NBAS: variants seen among roughly 807,000 people sequenced by gnomAD.
The protein encoded by NBAS is NAG/BC035112 fusion.
Under a neutral mutation model 302.5 loss-of-function variants are expected in NBAS, and 219 were observed. The ratio of observed to expected loss-of-function variants is 0.72; its 90% CI spans 0.65 to 0.81. The LOEUF (loss-of-function observed/expected upper bound fraction) is 0.81. Among genes scored for constraint, NBAS ranks in the 30% least tolerant of loss-of-function variants. The pLI is 0.00. For missense variants in NBAS, 2,932 were observed against 2,841.6 expected (o/e 1.03, Z -0.72); for synonymous variants, 1,118 against 1,021.6 (o/e 1.09, Z -1.80).
chr2:15,126,522 G>C, the NBAS span, among the ~76,000 whole-genome samples: 1 of 152,248 alleles, frequency 6.6e-6, no homozygotes, highest in South Asian at 2.1e-4. Flanking sequence ...AAAACTCTGA[G>C]ATCCCCAGTA....
the NBAS span, among the ~76,000 whole-genome samples, chr2:15,047,247 G>C: frequency 1.3e-5 from 2 of 152,258 alleles, no homozygotes; most frequent in Non-Finnish European, 2.9e-5. Context: ...AAGGGAGAAG[G>C]AGGCACAGAT....
At chr2:14,784,769 T>C in the NBAS span, among the ~76,000 whole-genome samples, 37 of 152,330 alleles carry the variant, frequency 2.4e-4, no homozygotes, top group African/African-American at 8.2e-4. Flanking sequence ...TCCAGCTTTG[T>C]TCTTTTGTCT....
chr2:15,463,267 C>A (rs1471166319), intron 19 of NBAS, among the ~76,000 whole-genome samples: 3 of 152,086 alleles, frequency 2.0e-5, no homozygotes, highest in Non-Finnish European at 2.9e-5. Context: ...GAGCAAGACC[C>A]CGTTTCACAA....
At chr2:14,782,077 C>T in the NBAS span, among the ~76,000 whole-genome samples, 1 of 152,166 alleles carries the variant, frequency 6.6e-6, no homozygotes, top group South Asian at 2.1e-4. Flanking sequence ...ACTGGGGTAT[C>T]CATCATAATG....
chr2:14,939,799 C>T, the NBAS span, among the ~76,000 whole-genome samples: 1 of 152,222 alleles, frequency 6.6e-6, no homozygotes, highest in Non-Finnish European at 1.5e-5. Flanking sequence ...CTGGAAACAA[C>T]TTCTATGAAA....
At chr2:15,319,594 A>C (rs1413122208) in intron 38 of NBAS, among the ~76,000 whole-genome samples, 1 of 152,156 alleles carries the variant, frequency 6.6e-6, no homozygotes, top group East Asian at 1.9e-4. Context: ...AAATACAAAC[A>C]ACCACCAGAG....
At chr2:15,471,220 A>C in intron 16 of NBAS, among the ~76,000 whole-genome samples, 1 of 152,230 alleles carries the variant, frequency 6.6e-6, no homozygotes. Context: ...CTTAGATCAC[A>C]AAACAAGAAA....
chr2:14,843,196 T>A, the NBAS span, among the ~76,000 whole-genome samples: 1 of 152,082 alleles, frequency 6.6e-6, no homozygotes, highest in Non-Finnish European at 1.5e-5. Flanking sequence ...CTATGACAAA[T>A]CCACAGCTGA....
At chr2:14,860,223 T>C in the NBAS span, among the ~76,000 whole-genome samples, 1 of 152,032 alleles carries the variant, frequency 6.6e-6, no homozygotes, top group Non-Finnish European at 1.5e-5. Flanking sequence ...CCCTGGCACA[T>C]TGTTGACGGG....
intron 35 of NBAS, among the ~76,000 whole-genome samples, chr2:15,331,619 A>G (rs569957042): frequency 1.1e-4 from 17 of 152,246 alleles, no homozygotes; most frequent in Non-Finnish European, 1.9e-4. Flanking sequence ...TTAGATCTAT[A>G]TCATGTTATT....
At chr2:15,551,390 T>C in intron 6 of NBAS, 103 bp downstream of exon 6, 2 of 702,818 alleles carry the variant, frequency 2.8e-6, no homozygotes. Flanking sequence ...GTCATGATAA[T>C]CCTTGTTAAT....
At chr2:15,531,986 G>A (rs1183587452) in intron 9 of NBAS, among the ~76,000 whole-genome samples, 9 of 151,860 alleles carry the variant, frequency 5.9e-5, no homozygotes, top group African/African-American at 1.9e-4. Flanking sequence ...TCACTCCCTC[G>A]AAAAGTTCCA....
intron 9 of NBAS, among the ~76,000 whole-genome samples, chr2:15,516,567 C>T (rs1288348218): frequency 6.6e-6 from 1 of 151,894 alleles, no homozygotes; most frequent in African/African-American, 2.4e-5. Flanking sequence ...TACTAAAATA[C>T]AAAAAATTAT....
chr2:15,253,153 T>A (rs909175517), intron 44 of NBAS, among the ~76,000 whole-genome samples: 1 of 152,172 alleles, frequency 6.6e-6, no homozygotes, highest in African/African-American at 2.4e-5. Context: ...CCAAAAAACC[T>A]ACAGGATATA....
the NBAS span, among the ~76,000 whole-genome samples, chr2:15,024,285 C>A: frequency 1.7e-5 from 1 of 59,722 alleles, no homozygotes; most frequent in Non-Finnish European, 3.2e-5. Flanking sequence ...ATCAATGTTC[C>A]TGCAAAAAAA....
Position 15,455,026 on chromosome 2 carries a change from C to T in NBAS, c.2339+6175G>A, listed in dbSNP as rs1223701648. On this transcript the variant is annotated intron_variant, in intron 21 of 51. Coordinates refer to ENST00000281513, the MANE Select transcript of NBAS (RefSeq NM_015909.4). ...CAAGCGATTCTCCTGCCTCAGCCTC[C>T]TAAGTAGCTGGGATTACAGGTGTGT... 5.3e-5 allele frequency among the ~76,000 whole-genome samples: 8 copies of T among 152,124 alleles called. No individual in the cohort carries two copies. The East Asian group carries it at 1.4e-3, about 26-fold the overall frequency.
intron 26 of NBAS, among the ~76,000 whole-genome samples, chr2:15,401,339 T>C (rs1676142741): frequency 6.9e-6 from 1 of 145,940 alleles, no homozygotes; most frequent in African/African-American, 2.5e-5. Flanking sequence ...CCTCCCAAAA[T>C]AAAAAGAAGA....
chr2:14,954,953 C>T, the NBAS span, among the ~76,000 whole-genome samples: 4 of 152,180 alleles, frequency 2.6e-5, no homozygotes, highest in African/African-American at 9.7e-5. Flanking sequence ...CACAATCATG[C>T]TTTTCCAACA....
chr2:14,885,653 A>C, the NBAS span, among the ~76,000 whole-genome samples: 1 of 152,168 alleles, frequency 6.6e-6, no homozygotes, highest in African/African-American at 2.4e-5. Context: ...ATAGGGAAGA[A>C]ACAATGCCTA....
Sources: gnomAD v4.1 joint callset for allele counts (sites outside exome capture counted in the v4.1 genomes callset) on GRCh38, gnomAD v4.1.1 for gene constraint, MANE v1.5 for transcripts, NCBI Gene and HGNC (gene_info 2026-07-23, HGNC 2026-07-21) for gene names.